Variants in RAVER2 observed in about 807,000 individuals in gnomAD.
The protein encoded by RAVER2 is ribonucleoprotein, PTB binding 2, also known as ribonucleoprotein PTB-binding 2.
Under a neutral mutation model 78.1 loss-of-function variants are expected in RAVER2, and 46 were observed. The observed-to-expected ratio is 0.59, with a 90% CI of 0.46 to 0.75. The LOEUF is 0.75. RAVER2 is among the 30% of genes least tolerant of loss of function. The pLI, the probability that RAVER2 is intolerant of heterozygous loss-of-function variation, is 0.00. For synonymous variants in RAVER2, 311 were observed against 313.3 expected, an observed-to-expected ratio of 0.99 and a Z score of 0.08; for missense variants, 793 against 837.5, an observed-to-expected ratio of 0.95 and a Z score of 0.66.
intron 11 of RAVER2, among the ~76,000 whole-genome samples, chr1:64,823,526 T>A (rs1184716005): frequency 6.6e-6 from 1 of 152,206 alleles, no homozygotes; most frequent in Non-Finnish European, 1.5e-5. Flanking sequence ...CAAATTGAGT[T>A]TGAAATTTCA....
exon 12 of RAVER2, chr1:64,832,648 G>GAAT (rs1388631313): frequency 6.6e-6 from 1 of 152,136 alleles, no homozygotes; most frequent in Non-Finnish European, 1.5e-5. Context: ...GCTTTGTAAA[G>GAAT]AATTTCACTT....
At chr1:64,748,727 G>A (rs1651611987) in intron 1 of RAVER2, among the ~76,000 whole-genome samples, 1 of 152,124 alleles carries the variant, frequency 6.6e-6, no homozygotes, top group South Asian at 2.1e-4. Flanking sequence ...TATTACCATG[G>A]AGTACACAGA....
chr1:64,813,408 G>T, intron 10 of RAVER2, among the ~76,000 whole-genome samples: 1 of 151,864 alleles, frequency 6.6e-6, no homozygotes, highest in Non-Finnish European at 1.5e-5. Context: ...ATAATTGAGG[G>T]ATATCTACAT....
intron 11 of RAVER2, among the ~76,000 whole-genome samples, chr1:64,819,234 T>TA (rs1453335030): frequency 6.6e-6 from 1 of 152,112 alleles, no homozygotes; most frequent in Admixed American, 6.5e-5. Context: ...CTATTATAAA[T>TA]ATGTTTAGGA....
Position 64,781,532 on chromosome 1 carries a change from G to GCGAA in RAVER2, c.940_943dup (p.Ser315ThrfsTer17). The GCGAA allele has an allele frequency of 6.2e-7, 1 of 1,614,112 alleles. No individual in the cohort carries two copies. The highest frequency in any genetic ancestry group is 8.5e-7 in the Non-Finnish European group (1 of 1,179,972). The stretch of plus-strand genomic sequence containing the variant: ...CCTTCTGTGCTCCTGGAGCGCCAGG[G>GCGAA]CGAAGTACATTAGCAGCATTGATAG... On this transcript the variant is annotated frameshift_variant, in exon 4 of 12. Transcript: ENST00000294428. LOFTEE classifies it high-confidence loss of function.
chr1:64,745,302 C>T lies in RAVER2; in HGVS notation c.130C>T (p.Pro44Ser). The T allele has an allele frequency of 2.0e-6, 3 of 1,505,244 alleles. No homozygotes were observed. The highest frequency in any genetic ancestry group is 2.8e-5 in the East Asian group (1 of 35,334). The allele number at this position is 1,505,244 out of a possible 1,614,324, so 93.2% of individuals were successfully genotyped here. Reference sequence around the variant, plus strand: ...CGAAGCGCACGAGGGCGCCCCGGACCCGATGCCCGCCGCGCTGCACCCTGA... The same window carrying T: ...CGAAGCGCACGAGGGCGCCCCGGACTCGATGCCCGCCGCGCTGCACCCTGA... The change falls in exon 1 of 12, where the codon CCG (proline) becomes TCG (serine). Residue 44 changes from proline to serine, a missense_variant. Physicochemically the swap from Pro to Ser is moderately conservative, Grantham distance 74 (BLOSUM62 -1). Transcript: ENST00000294428. The surrounding 1 kb of genome is among the most constrained non-coding windows in gnomAD (Gnocchi z 4.3).
At chr1:64,824,203 C>T (rs1201598854) in intron 11 of RAVER2, among the ~76,000 whole-genome samples, 1 of 152,174 alleles carries the variant, frequency 6.6e-6, no homozygotes, top group Non-Finnish European at 1.5e-5. Context: ...TCTTGTGTTA[C>T]CCTGATTCCA....
At chr1:64,776,486 T>G (rs920664788) in intron 2 of RAVER2, among the ~76,000 whole-genome samples, 1 of 152,178 alleles carries the variant, frequency 6.6e-6, no homozygotes, top group African/African-American at 2.4e-5. Context: ...GGCAGAGAAG[T>G]TTAGTGAAAT....
intron 4 of RAVER2, among the ~76,000 whole-genome samples, chr1:64,783,301 C>T (rs1388397802): frequency 2.6e-5 from 4 of 152,278 alleles, no homozygotes; most frequent in South Asian, 2.1e-4. Flanking sequence ...CTTGAGGAAT[C>T]GCCACACTGT....
At chr1:64,781,600 T>C (rs1426934382) in intron 4 of RAVER2, 29 bp downstream of exon 4, 9 of 1,588,806 alleles carry the variant, frequency 5.7e-6, no homozygotes, top group Non-Finnish European at 6.0e-6. Flanking sequence ...TGTCTCTTTT[T>C]TTAGAGTATA....
At chr1:64,752,290 A>C (rs1404971484) in intron 1 of RAVER2, among the ~76,000 whole-genome samples, 1 of 152,232 alleles carries the variant, frequency 6.6e-6, no homozygotes, top group Non-Finnish European at 1.5e-5. Flanking sequence ...ATTTATTCAC[A>C]GGTGACTGTG....
intron 5 of RAVER2, among the ~76,000 whole-genome samples, chr1:64,795,390 A>G (rs1020678956): frequency 6.6e-6 from 1 of 152,078 alleles, no homozygotes; most frequent in Non-Finnish European, 1.5e-5. Context: ...GTTGATTTGT[A>G]TGCTAATTTA....
chr1:64,751,007 G>C (rs889106842), intron 1 of RAVER2, among the ~76,000 whole-genome samples: 4 of 152,208 alleles, frequency 2.6e-5, no homozygotes, highest in Non-Finnish European at 4.4e-5. Context: ...TTCTTGAAAA[G>C]TGTTTGAGAA....
chr1:64,756,437 A>G (rs1651858379), intron 1 of RAVER2, among the ~76,000 whole-genome samples: 1 of 152,100 alleles, frequency 6.6e-6, no homozygotes, highest in African/African-American at 2.4e-5. Context: ...CTGCATTCCT[A>G]CTACCATTAC....
chr1:64,769,656 T>C (rs1652262807), intron 2 of RAVER2, among the ~76,000 whole-genome samples: 1 of 152,042 alleles, frequency 6.6e-6, no homozygotes, highest in South Asian at 2.1e-4. Context: ...CTGCTCACAC[T>C]TCCCTGTGCT....
chr1:64,789,996 T>A (rs987881677), intron 5 of RAVER2, among the ~76,000 whole-genome samples: 1 of 152,236 alleles, frequency 6.6e-6, no homozygotes, highest in African/African-American at 2.4e-5. Context: ...TTCTAAGTGT[T>A]ATGCAAATCT....
chr1:64,793,188 G>A (rs900935527), intron 5 of RAVER2, among the ~76,000 whole-genome samples: 1 of 152,104 alleles, frequency 6.6e-6, no homozygotes, highest in African/African-American at 2.4e-5. Flanking sequence ...GGGCAACAGA[G>A]CGAGACTCCA....
In RAVER2 at chr1:64,794,719, AAG is replaced by A. The variant is rs1653049430; in HGVS notation, c.1105+5208_1105+5209del. 2.0e-5 allele frequency among the ~76,000 whole-genome samples: 3 copies of A among 152,120 alleles called. No individual in the cohort carries two copies. The South Asian group carries it at 6.2e-4, about 31-fold the overall frequency. On this transcript the variant is annotated intron_variant, in intron 5 of 11. Coordinates refer to ENST00000294428, the Ensembl canonical transcript of RAVER2. ...GTTGTTTGTCTTCTTATCAAGTTGT[AAG>A]AGTGTTTTTTTATTTTACATACAAG... is the stretch of plus-strand genomic sequence containing the variant.
At chr1:64,818,924 C>G (rs1653819069) in intron 11 of RAVER2, among the ~76,000 whole-genome samples, 1 of 152,168 alleles carries the variant, frequency 6.6e-6, no homozygotes, top group African/African-American at 2.4e-5. Context: ...TGGTAGAAAA[C>G]AGCTGAAAGG....
Sources: allele counts gnomAD v4.1 joint callset (sites outside exome capture counted in the v4.1 genomes callset), GRCh38; gene constraint gnomAD v4.1.1; non-coding constraint Gnocchi (gnomAD v3.1); transcripts MANE v1.5; gene names NCBI Gene and HGNC (gene_info 2026-07-23, HGNC 2026-07-21).